The following GAB2 variants were observed in gnomAD, a reference collection of about 807,000 sequenced individuals.
The protein encoded by GAB2 is GRB2-associated-binding protein 2.
Under a neutral mutation model 65.5 loss-of-function variants are expected in GAB2, and 26 were observed. That is an observed-to-expected ratio of 0.40 (90% confidence interval 0.29 to 0.55). The LOEUF (loss-of-function observed/expected upper bound fraction) is 0.55, where lower values mean the gene tolerates loss of function less well. Ranked by LOEUF, GAB2 falls within the 20% of genes least tolerant of loss-of-function variation. GAB2 has a pLI of 0.53. For synonymous variants in GAB2, 321 were observed against 329.6 expected (o/e 0.97, Z 0.28); for missense variants, 884 against 875.8 (o/e 1.01, Z -0.12).
chr11:78,220,259 T>G, intron 9 of GAB2, 60 bp downstream of exon 9: 2 of 1,597,586 alleles, frequency 1.3e-6, no homozygotes, highest in Non-Finnish European at 1.7e-6. Context: ...CTGGCCTCCA[T>G]GATCTCTGCC....
chr11:78,305,175 C>T (rs1032263711), intron 1 of GAB2, among the ~76,000 whole-genome samples: 3 of 152,144 alleles, frequency 2.0e-5, no homozygotes, highest in Non-Finnish European at 4.4e-5. Flanking sequence ...AATCATTTTA[C>T]AGATCAAGGA....
intron 2 of GAB2, among the ~76,000 whole-genome samples, chr11:78,266,302 AGACGCGT>A (rs752298329): frequency 9.2e-5 from 14 of 151,726 alleles, no homozygotes; most frequent in Non-Finnish European, 1.9e-4. Flanking sequence ...AAGAGGAATA[AGACGCGT>A]CCTTACCCTT....
intron 1 of GAB2, among the ~76,000 whole-genome samples, chr11:78,362,984 T>G (rs765904498): frequency 3.3e-5 from 5 of 152,192 alleles, no homozygotes; most frequent in Non-Finnish European, 7.3e-5. Context: ...GAATTGCCAT[T>G]ACTATAAGTA....
intron 3 of GAB2, among the ~76,000 whole-genome samples, chr11:78,239,410 A>C (rs1865069262): frequency 6.6e-6 from 1 of 152,070 alleles, no homozygotes; most frequent in East Asian, 1.9e-4. Context: ...TAGTAGAGAC[A>C]GGGTTTTACC....
chr11:78,271,955 T>TTTAAAAAGAGGAG (rs1866022906), intron 2 of GAB2, among the ~76,000 whole-genome samples: 1 of 152,196 alleles, frequency 6.6e-6, no homozygotes, highest in African/African-American at 2.4e-5. Flanking sequence ...ATCTGATGGT[T>TTTAAAAAGAGGAG]TTAAAAAGAG....
At chr11:78,304,494 A>G (rs1417115495) in intron 1 of GAB2, among the ~76,000 whole-genome samples, 2 of 152,200 alleles carry the variant, frequency 1.3e-5, no homozygotes, top group East Asian at 3.9e-4. Context: ...CAAGGCAAGA[A>G]TCTAGAGTAG....
chr11:78,257,806 A>G (rs954550367), intron 2 of GAB2, among the ~76,000 whole-genome samples: 1 of 151,790 alleles, frequency 6.6e-6, no homozygotes, highest in Admixed American at 6.6e-5. Flanking sequence ...GGTACATATT[A>G]TTACCTCCAT....
At chr11:78,242,575 C>CA (rs1193239725) in intron 3 of GAB2, among the ~76,000 whole-genome samples, 10 of 151,724 alleles carry the variant, frequency 6.6e-5, no homozygotes, top group Admixed American at 1.3e-4. Flanking sequence ...CACAACATAC[C>CA]AAAGCCTATG....
At chr11:78,221,249 A>G (rs527410806) in intron 8 of GAB2, among the ~76,000 whole-genome samples, 2 of 152,314 alleles carry the variant, frequency 1.3e-5, no homozygotes, top group African/African-American at 4.8e-5. Context: ...CTTAATGGAA[A>G]TCTCAGGGAA....
chr11:78,238,971 GA>G (rs1865059146), intron 3 of GAB2, among the ~76,000 whole-genome samples: 1 of 151,866 alleles, frequency 6.6e-6, no homozygotes, highest in African/African-American at 2.4e-5. Flanking sequence ...ACTTGAAATA[GA>G]TATTTCTCCA....
At position 78,226,960 on chromosome 11, in the gene GAB2, C is replaced by T. The variant is rs1214296021; in HGVS notation, c.712G>A (p.Val238Ile). ...QKLAQGNGHCVNGISGQVHGF... is the reference protein window; with the variant it reads ...QKLAQGNGHCINGISGQVHGF... ...TGGACTTGACCACTGATCCCGTTGA[C>T]ACAGTGTCCATTGCCCTGGGCAAGT... Residue 238 changes from valine (V) to isoleucine (I), a missense_variant, in exon 4 of 10, where the codon GTC becomes ATC. Transcript: ENST00000361507. 1.2e-6 allele frequency: 2 copies of T among 1,613,524 alleles called. No homozygotes were observed. The highest frequency in any genetic ancestry group is 2.7e-5 in the African/African-American group (2 of 74,882).
chr11:78,383,447 T>C (rs1856722625), intron 1 of GAB2, among the ~76,000 whole-genome samples: 1 of 151,458 alleles, frequency 6.6e-6, no homozygotes, highest in South Asian at 2.1e-4. Flanking sequence ...TCTTTTTTTT[T>C]AAGACGTGGG....
rs1355253830 is a variant in GAB2, at chr11:78,339,089, A to AT, written c.76-58189dup. On this transcript the variant is annotated intron_variant, in intron 1 of 9. Transcript: ENST00000361507. ...AGGCATGTGTCACCACACCCAGCTAATTTTTTTTTTATTTTTAGTAGAGAT... is the reference window on the plus strand; with the variant it reads ...AGGCATGTGTCACCACACCCAGCTAATTTTTTTTTTTATTTTTAGTAGAGAT... 1.1e-3 allele frequency among the ~76,000 whole-genome samples: 171 copies of AT among 149,950 alleles called. 3 individuals are homozygous for AT. Among genetic ancestry groups the AT allele is most frequent in the African/African-American group, 3.4e-3 (139 of 40,884 alleles).
intron 1 of GAB2, among the ~76,000 whole-genome samples, chr11:78,309,751 G>T (rs1855447891): frequency 6.6e-6 from 1 of 152,056 alleles, no homozygotes; most frequent in Admixed American, 6.5e-5. Flanking sequence ...GGAGAGCTCT[G>T]GGGAAACAGA....
At chr11:78,375,794 C>T (rs537896068) in intron 1 of GAB2, among the ~76,000 whole-genome samples, 2 of 152,276 alleles carry the variant, frequency 1.3e-5, no homozygotes, top group East Asian at 3.9e-4. Context: ...TCAGATTTTC[C>T]TTGGGGACCA....
chr11:78,379,531 C>T (rs1351156133), intron 1 of GAB2, among the ~76,000 whole-genome samples: 1 of 152,236 alleles, frequency 6.6e-6, no homozygotes, highest in Non-Finnish European at 1.5e-5. Flanking sequence ...ACTGGCTGGA[C>T]TGATAACAGT....
At chr11:78,232,187 G>A (rs1361023124) in intron 3 of GAB2, among the ~76,000 whole-genome samples, 2 of 152,188 alleles carry the variant, frequency 1.3e-5, no homozygotes, top group Non-Finnish European at 2.9e-5. Flanking sequence ...GATTAATGAT[G>A]GGTAAGCTCT....
chr11:78,306,392 G>A (rs777927350), intron 1 of GAB2, among the ~76,000 whole-genome samples: 33 of 152,092 alleles, frequency 2.2e-4, no homozygotes, highest in Non-Finnish European at 4.0e-4. Flanking sequence ...CGCCACGCCC[G>A]GCTAATTTTT....
At chr11:78,327,905 C>A (rs1855851840) in intron 1 of GAB2, among the ~76,000 whole-genome samples, 1 of 151,794 alleles carries the variant, frequency 6.6e-6, no homozygotes, top group South Asian at 2.1e-4. Context: ...TGTTAAAGAC[C>A]TCTATAAACT....
Sources: allele counts gnomAD v4.1 joint callset (sites outside exome capture counted in the v4.1 genomes callset), GRCh38; gene constraint gnomAD v4.1.1; transcripts MANE v1.5; gene names NCBI Gene and HGNC (gene_info 2026-07-23, HGNC 2026-07-21).